DBH: variants seen among roughly 807,000 people sequenced by gnomAD.
The protein encoded by DBH is dopamine beta-hydroxylase (dopamine beta-monooxygenase).
A neutral mutation model predicts 64.0 loss-of-function variants in DBH; 49 were observed. The observed-to-expected ratio is 0.77, with a 90% CI of 0.61 to 0.97. The LOEUF (loss-of-function observed/expected upper bound fraction) is 0.97. DBH is among the 50% of genes least tolerant of loss of function. The pLI, the probability that DBH is intolerant of heterozygous loss-of-function variation, is 0.00. For synonymous variants in DBH, 343 were observed against 347.1 expected (o/e 0.99, Z 0.13); for missense variants, 828 against 826.6 (o/e 1.00, Z -0.02).
chr9:133,651,263 G>T (rs981266586), intron 6 of DBH, among the ~76,000 whole-genome samples: 2 of 152,252 alleles, frequency 1.3e-5, no homozygotes, highest in African/African-American at 4.8e-5. Flanking sequence ...GAGGCCACGC[G>T]CTGCTCAGCT....
chr9:133,638,434 C>T (rs1343522627), intron 1 of DBH, among the ~76,000 whole-genome samples: 2 of 152,236 alleles, frequency 1.3e-5, no homozygotes, highest in East Asian at 1.9e-4. Flanking sequence ...AGAAACACAA[C>T]CCAAAGTCCT....
At chr9:133,641,896 T>C (rs971603651) in intron 2 of DBH, among the ~76,000 whole-genome samples, 1 of 152,194 alleles carries the variant, frequency 6.6e-6, no homozygotes, top group Non-Finnish European at 1.5e-5. Flanking sequence ...AGGGAACAAA[T>C]GTTCCGGCCA....
chr9:133,644,370 G>C, intron 5 of DBH, 50 bp downstream of exon 5: 1 of 1,477,012 alleles, frequency 6.8e-7, no homozygotes, highest in Middle Eastern at 1.7e-4. Context: ...ACTCAGCTGT[G>C]TTGAGCCAGT....
intron 11 of DBH, 127 bp from the exon 12 acceptor site, chr9:133,658,189 T>C (rs1832360189): frequency 7.8e-7 from 1 of 1,279,950 alleles, no homozygotes; most frequent in Non-Finnish European, 1.1e-6. Context: ...GGGAGCAGAG[T>C]GAGTTCAGTT....
Position 133,654,123 on chromosome 9 carries a change from A to ATTTTATTTT in DBH, c.1434+1128_1434+1129insATTTTTTTT, listed in dbSNP as rs1564214008. Among the ~76,000 whole-genome samples, 39 of 89,864 alleles carry ATTTTATTTT rather than the reference A, an allele frequency of 4.3e-4. No homozygotes were observed. The East Asian group carries it at 0.01, about 23-fold the overall frequency. The allele number at this position is 89,864 out of a possible 152,430, so 59.0% of individuals were successfully genotyped here. A position where few individuals can be genotyped will look rare whatever the true frequency, so the allele number is the denominator to read the frequency against. On this transcript the variant is annotated intron_variant, in intron 9 of 11. Coordinates refer to ENST00000393056, the MANE Select transcript of DBH (RefSeq NM_000787.4). ...TTTATTTTATTTTATTTTATATTTT[A>ATTTTATTTT]TTTTTTTTTGAGACGGAGTCTCGCT... is the stretch of plus-strand genomic sequence containing the variant.
At chr9:133,647,605 C>T (rs1354169260) in intron 5 of DBH, among the ~76,000 whole-genome samples, 1 of 152,198 alleles carries the variant, frequency 6.6e-6, no homozygotes, top group African/African-American at 2.4e-5. Context: ...AACAGCAGCT[C>T]TTTCTTCCCA....
In DBH at chr9:133,636,671, C is replaced by T. The variant is rs143504054; in HGVS notation, c.300C>T (p.Leu100=). The T allele has an allele frequency of 3.4e-5, 54 of 1,608,750 alleles. No homozygotes were observed. The African/African-American group carries it at 5.1e-4, about 15-fold the overall frequency. ...SDRGELENAD[L]VVLWTDGDTA... ...GTGGCGAGCTTGAGAACGCAGATCT[C>T]GTGGTGCTCTGGACCGATGGGGACA... The change falls in exon 1 of 12, where the codon CTC becomes CTT. Residue 100 remains leucine, a synonymous_variant. Transcript: ENST00000393056.
At chr9:133,652,000 G>C (rs73662173) in intron 7 of DBH, among the ~76,000 whole-genome samples, 1 of 152,100 alleles carries the variant, frequency 6.6e-6, no homozygotes, top group Non-Finnish European at 1.5e-5. Context: ...GGTGGGATTC[G>C]GGAGACCCAG....
intron 1 of DBH, 49 bp downstream of exon 1, chr9:133,636,759 C>T (rs1314679926): frequency 1.3e-6 from 2 of 1,529,992 alleles, no homozygotes; most frequent in Admixed American, 1.7e-5. Context: ...TGACCCGGCA[C>T]CCCATCTGGC....
In DBH at chr9:133,656,438, T is replaced by C. The variant is rs60202024; in HGVS notation, c.1435-85T>C. On this transcript the variant is annotated intron_variant, in intron 9 of 11. Coordinates refer to ENST00000393056, the MANE Select transcript of DBH (RefSeq NM_000787.4). ...GCAGTGAACAGACGAGTGGACGCAGTGTACACGTGGGTGCGGCGAAAGCTG... is the reference window on the plus strand; with the variant it reads ...GCAGTGAACAGACGAGTGGACGCAGCGTACACGTGGGTGCGGCGAAAGCTG... The C allele has an allele frequency of 4.8e-3, 7,587 of 1,584,744 alleles. 305 individuals are homozygous for C. In the African/African-American group the frequency reaches 0.085, roughly 18 times the overall value.
chr9:133,659,058 A>AAAAG lies in DBH; in HGVS notation c.*613_*616dup, dbSNP rs1476501531. 6.6e-6 allele frequency: 1 copy of AAAAG among 152,188 alleles called. No individual in the cohort carries two copies. Among genetic ancestry groups the AAAAG allele is most frequent in the African/African-American group, 2.4e-5 (1 of 41,422 alleles). The allele number at this position is 152,188 out of a possible 1,614,324, so 9.4% of individuals were successfully genotyped here. ...GGAAGCCCTGACAACAACTATCACC[A>AAAAG]AAAGACGAGGCGGCAAAGATCCAGC... On this transcript the variant is annotated 3_prime_UTR_variant, in exon 12 of 12. Coordinates refer to ENST00000393056, the MANE Select transcript of DBH (RefSeq NM_000787.4).
chr9:133,642,274 G>A lies in DBH; in HGVS notation c.554G>A (p.Gly185Asp), dbSNP rs368251114. 6.2e-7 allele frequency: 1 copy of A among 1,614,026 alleles called. No individual in the cohort carries two copies. The change falls in exon 3 of 12, where the codon GGC (glycine) becomes GAC (aspartate). Residue 185 changes from glycine (G) to aspartate (D), a missense_variant. Coordinates refer to ENST00000393056, the MANE Select transcript of DBH (RefSeq NM_000787.4). ...TTCCGGTCACTGGAGGCCATCAACG[G>A]CTCGGGCCTGCAGATGGGGCTGCAG... ...EPFRSLEAIN[G>D]SGLQMGLQRV... is the part of the protein sequence containing the mutation.
At chr9:133,648,816 C>T (rs1162188032) in intron 6 of DBH, among the ~76,000 whole-genome samples, 4 of 152,238 alleles carry the variant, frequency 2.6e-5, no homozygotes, top group Non-Finnish European at 5.9e-5. Context: ...TGAACTGTCT[C>T]CCTATCAATC....
rs1408454344 is a variant in DBH, at chr9:133,659,169, C to A, written c.*722C>A. Reference sequence around the variant, plus strand: ...CCGGTGGGGCCAGCGCTGAACAGACCGGGGTGGAGTCAGGGCTGTGCTTTC... The same window carrying A: ...CCGGTGGGGCCAGCGCTGAACAGACAGGGGTGGAGTCAGGGCTGTGCTTTC... On this transcript the variant is annotated 3_prime_UTR_variant, in exon 12 of 12. Coordinates refer to ENST00000393056, the MANE Select transcript of DBH (RefSeq NM_000787.4). 1 of 152,226 alleles carries A rather than the reference C, an allele frequency of 6.6e-6. No individual in the cohort carries two copies. Among genetic ancestry groups the A allele is most frequent in the Admixed American group, 6.5e-5 (1 of 15,276 alleles). 9.4% of individuals were successfully genotyped at this position (152,226 alleles called of 1,614,324 possible). A position where few individuals can be genotyped will look rare whatever the true frequency, so the allele number is the denominator to read the frequency against.
Position 133,643,709 on chromosome 9 carries a change from C to A in DBH, c.921+120C>A, listed in dbSNP as rs13306302. 11 of 1,179,006 alleles carry A rather than the reference C, an allele frequency of 9.3e-6. No homozygotes were observed. Among genetic ancestry groups the A allele is most frequent in the South Asian group, 1.4e-5 (1 of 72,896 alleles). 73.0% of individuals were successfully genotyped at this position (1,179,006 alleles called of 1,614,324 possible). On this transcript the variant is annotated intron_variant, in intron 4 of 11. Transcript: ENST00000393056. This position sits in a 1 kb window ranked among gnomAD's most constrained non-coding sequence, Gnocchi z 5.3. ...AAGAAGGGGCTCCCAAGGGGGCTCA[C>A]GAGGCCACCAGAAGGGCCAGGCCTG...
At chr9:133,658,073 C>G (rs1369804218) in intron 11 of DBH, among the ~76,000 whole-genome samples, 1 of 151,746 alleles carries the variant, frequency 6.6e-6, no homozygotes, top group Non-Finnish European at 1.5e-5. Flanking sequence ...TGGGTGGGGA[C>G]AGAGGCGGGG....
At chr9:133,651,880 C>T in intron 7 of DBH, 103 bp downstream of exon 7, 1 of 1,230,944 alleles carries the variant, frequency 8.1e-7, no homozygotes, top group Non-Finnish European at 1.1e-6. Context: ...TCCAGGCTGG[C>T]TTCTTTTTCC....
rs1158215214 is a variant in DBH, at chr9:133,647,810, T to C, written c.1025-36T>C. The C allele has an allele frequency of 3.1e-6, 5 of 1,613,604 alleles. No individual in the cohort carries two copies. The African/African-American group carries it at 5.3e-5, about 17-fold the overall frequency. On this transcript the variant is annotated intron_variant, in intron 5 of 11. Coordinates refer to ENST00000393056, the MANE Select transcript of DBH (RefSeq NM_000787.4). ...CAGGGGGAAGTGAGAGGGCCTCCAC[T>C]TACCGCTCACCTCCATCCATCCCAC...
At chr9:133,646,363 G>A (rs181612582) in intron 5 of DBH, among the ~76,000 whole-genome samples, 21 of 152,006 alleles carry the variant, frequency 1.4e-4, no homozygotes, top group Admixed American at 6.5e-4. Flanking sequence ...CCATGCATCC[G>A]GGGGCATGGG....
Sources: allele counts gnomAD v4.1 joint callset (sites outside exome capture counted in the v4.1 genomes callset), GRCh38; gene constraint gnomAD v4.1.1; non-coding constraint Gnocchi (gnomAD v3.1); transcripts MANE v1.5; gene names NCBI Gene and HGNC (gene_info 2026-07-23, HGNC 2026-07-21).